Variants in CA10 observed in about 807,000 individuals in gnomAD.
The protein encoded by CA10 is carbonic anhydrase 10 (inactive).
CA10 carries 14 observed loss-of-function variants against 44.2 expected under a neutral mutation model. The observed-to-expected ratio is 0.32, with a 90% CI of 0.21 to 0.50. The LOEUF (loss-of-function observed/expected upper bound fraction) is 0.50, where lower values mean the gene tolerates loss of function less well. Among genes scored for constraint, CA10 ranks in the 20% least tolerant of loss-of-function variants. The pLI is 0.99. For synonymous variants in CA10, 159 were observed against 141.6 expected, an observed-to-expected ratio of 1.12 and a Z score of -0.87; for missense variants, 350 against 409.7, an observed-to-expected ratio of 0.85 and a Z score of 1.26.
intron 2 of CA10, among the ~76,000 whole-genome samples, chr17:51,956,403 G>A: frequency 6.6e-6 from 1 of 152,090 alleles, no homozygotes; most frequent in East Asian, 1.9e-4. Context: ...ATATAGATCA[G>A]CTGTACATAT....
chr17:51,857,130 G>GT (rs1201128934), intron 3 of CA10, among the ~76,000 whole-genome samples: 2 of 152,108 alleles, frequency 1.3e-5, no homozygotes, highest in African/African-American at 4.8e-5. Context: ...GGAAACCATT[G>GT]TTTTTTATTT....
intron 3 of CA10, among the ~76,000 whole-genome samples, chr17:51,752,157 C>A (rs1288429930): frequency 6.6e-6 from 1 of 151,864 alleles, no homozygotes; most frequent in Non-Finnish European, 1.5e-5. Context: ...AGCTGTGTAG[C>A]CAGGGCATGG....
chr17:52,119,118 T>C (rs1988958046), intron 1 of CA10, among the ~76,000 whole-genome samples: 1 of 150,910 alleles, frequency 6.6e-6, no homozygotes, highest in South Asian at 2.1e-4. Flanking sequence ...GTTCAGCTAT[T>C]TATGGCCTTT....
At chr17:52,017,918 T>C (rs1986019567) in intron 2 of CA10, among the ~76,000 whole-genome samples, 1 of 152,134 alleles carries the variant, frequency 6.6e-6, no homozygotes, top group African/African-American at 2.4e-5. Flanking sequence ...ACTGGGGCAT[T>C]GCTCCCCACT....
At chr17:51,936,584 G>C (rs1346036904) in intron 2 of CA10, among the ~76,000 whole-genome samples, 1 of 152,156 alleles carries the variant, frequency 6.6e-6, no homozygotes, top group East Asian at 1.9e-4. Flanking sequence ...GAGCCTGATG[G>C]ACCAGATGAG....
At chr17:52,158,786 G>C (rs968441706), upstream of CA10, 5 of 152,830 alleles carry the variant, frequency 3.3e-5, no homozygotes, top group African/African-American at 1.2e-4. Flanking sequence ...GAGGACAGGT[G>C]GGGGCGGGAG....
intron 2 of CA10, among the ~76,000 whole-genome samples, chr17:52,029,212 C>T (rs1179895754): frequency 6.6e-6 from 1 of 152,070 alleles, no homozygotes; most frequent in African/African-American, 2.4e-5. Context: ...TCTCTATAAC[C>T]CAAGAAGGAA....
chr17:51,856,118 C>T (rs984930827), intron 3 of CA10, among the ~76,000 whole-genome samples: 4 of 152,146 alleles, frequency 2.6e-5, no homozygotes, highest in Admixed American at 6.5e-5. Context: ...CTAGCATTCC[C>T]GACCTGTCCC....
intron 2 of CA10, among the ~76,000 whole-genome samples, chr17:51,991,182 A>G (rs954738559): frequency 1.4e-4 from 21 of 152,150 alleles, no homozygotes; most frequent in African/African-American, 4.6e-4. Flanking sequence ...TGTAGTGCAG[A>G]GTCCAGCACC....
intron 2 of CA10, among the ~76,000 whole-genome samples, chr17:52,045,159 A>G (rs1986877686): frequency 6.6e-6 from 1 of 151,988 alleles, no homozygotes; most frequent in East Asian, 2.0e-4. Flanking sequence ...AACTGATGCA[A>G]TATCAAATAC....
At position 52,157,722 on chromosome 17, in the gene CA10, G is replaced by A. The variant is rs371529572; in HGVS notation, c.61+4C>T. 227 of 1,613,274 alleles carry A rather than the reference G, an allele frequency of 1.4e-4. No individual in the cohort carries two copies. The highest frequency in any genetic ancestry group is 1.9e-4 in the Non-Finnish European group (219 of 1,179,432). On this transcript the variant is annotated splice_donor_region_variant and intron_variant, in intron 1 of 8. Coordinates refer to ENST00000451037, the MANE Select transcript of CA10 (RefSeq NM_020178.5). ...TCAGCCAGTGACTTCGGCGCGTCCC[G>A]TACCTGATATGCAGACGATGAAATT...
chr17:52,049,994 T>C (rs1241337561), intron 2 of CA10, among the ~76,000 whole-genome samples: 2 of 152,234 alleles, frequency 1.3e-5, no homozygotes, highest in South Asian at 4.1e-4. Flanking sequence ...TTAGCAGCAA[T>C]AGGCTATACC....
intron 3 of CA10, among the ~76,000 whole-genome samples, chr17:51,823,777 T>A (rs1360660801): frequency 6.6e-6 from 1 of 152,180 alleles, no homozygotes; most frequent in Non-Finnish European, 1.5e-5. Context: ...TGTCTGTGGG[T>A]CCCAACCTGT....
chr17:51,966,029 TA>T (rs1318596499), intron 2 of CA10, among the ~76,000 whole-genome samples: 2 of 151,922 alleles, frequency 1.3e-5, no homozygotes, highest in Admixed American at 1.3e-4. Flanking sequence ...TTTCATGTTA[TA>T]AAGTCAACAT....
At chr17:51,777,982 GA>G (rs993624059) in intron 3 of CA10, among the ~76,000 whole-genome samples, 34 of 152,094 alleles carry the variant, frequency 2.2e-4, no homozygotes, top group South Asian at 2.1e-4. Flanking sequence ...GTTATTGATG[GA>G]GCCTCATCTG....
intron 3 of CA10, among the ~76,000 whole-genome samples, chr17:51,822,421 ACAAAAC>A (rs1356686568): frequency 7.5e-6 from 1 of 133,316 alleles, no homozygotes; most frequent in African/African-American, 3.1e-5. Context: ...TCTCAAAAAA[ACAAAAC>A]AAAAACAAAA....
At chr17:51,669,678 TG>T (rs756936836) in intron 4 of CA10, among the ~76,000 whole-genome samples, 14 of 152,016 alleles carry the variant, frequency 9.2e-5, no homozygotes, top group Non-Finnish European at 1.9e-4. Flanking sequence ...CTTTAAGAAC[TG>T]TAACACTCAC....
At chr17:51,972,814 A>G (rs1984330067) in intron 2 of CA10, among the ~76,000 whole-genome samples, 1 of 152,192 alleles carries the variant, frequency 6.6e-6, no homozygotes, top group Non-Finnish European at 1.5e-5. Context: ...AAACTTAGTA[A>G]GCAGTACTAA....
chr17:52,008,642 C>G (rs1345823267), intron 2 of CA10, among the ~76,000 whole-genome samples: 1 of 151,596 alleles, frequency 6.6e-6, no homozygotes, highest in Non-Finnish European at 1.5e-5. Flanking sequence ...CCTCCAGTAT[C>G]TTTCTTTTAC....
Sources: gnomAD v4.1 joint callset for allele counts (sites outside exome capture counted in the v4.1 genomes callset) on GRCh38, gnomAD v4.1.1 for gene constraint, MANE v1.5 for transcripts, NCBI Gene and HGNC (gene_info 2026-07-23, HGNC 2026-07-21) for gene names.